Variants in SLC9A7 observed in about 807,000 individuals in gnomAD.
SLC9A7 encodes the protein sodium/hydrogen exchanger 7.
SLC9A7 carries 19 observed loss-of-function variants against 52.6 expected under a neutral mutation model. That is an observed-to-expected ratio of 0.36 (90% confidence interval 0.25 to 0.53). The LOEUF (loss-of-function observed/expected upper bound fraction) is 0.53, where lower values mean the gene tolerates loss of function less well. SLC9A7 is among the 20% of genes least tolerant of loss of function. The pLI is 0.91. For synonymous variants in SLC9A7, 226 were observed against 252.1 expected, an observed-to-expected ratio of 0.90 and a Z score of 0.98; for missense variants, 455 against 597.9, an observed-to-expected ratio of 0.76 and a Z score of 2.49.
intron 11 of SLC9A7, among the ~76,000 whole-genome samples, chrX:46,647,868 G>A (rs907401630): frequency 3.5e-5 from 4 of 112,756 alleles, no homozygotes; most frequent in African/African-American, 1.3e-4. Flanking sequence ...CTCATTCTCT[G>A]TCTTAAAGGA....
rs1386555870 is a variant in SLC9A7, at chrX:46,759,108, C to G, written c.-79G>C. ...CGGCGGGTTCTGGCAGCACCGCGGA[C>G]CTGCCGGAGTGGCCGTGGCCGCTGC... On this transcript the variant is annotated 5_prime_UTR_variant, in exon 1 of 17. Coordinates refer to ENST00000616978, the MANE Select transcript of SLC9A7 (RefSeq NM_001257291.2). 8.9e-6 allele frequency: 6 copies of G among 671,169 alleles called. No homozygotes were observed. Among genetic ancestry groups the G allele is most frequent in the Non-Finnish European group, 1.1e-5 (6 of 529,392 alleles). The allele number at this position is 671,169 out of a possible 1,213,427, so 55.3% of individuals were successfully genotyped here.
chrX:46,736,303 A>G (rs1462176449), intron 1 of SLC9A7, among the ~76,000 whole-genome samples: 1 of 110,487 alleles, frequency 9.1e-6, no homozygotes, highest in Non-Finnish European at 1.9e-5. Context: ...TTTATTTTCC[A>G]TCTCTGTCCT....
chrX:46,713,077 G>C (rs143482830), intron 1 of SLC9A7, among the ~76,000 whole-genome samples: 2 of 112,681 alleles, frequency 1.8e-5, no homozygotes, highest in East Asian at 5.5e-4. Context: ...AATCTGATAA[G>C]AGGGAATAAC....
At chrX:46,648,573 C>T (rs1008189554) in intron 11 of SLC9A7, 113 bp downstream of exon 11, 8 of 565,670 alleles carry the variant, frequency 1.4e-5, no homozygotes, top group African/African-American at 6.8e-5. Context: ...GGGATACAAA[C>T]GGACCAGAAA....
intron 1 of SLC9A7, among the ~76,000 whole-genome samples, chrX:46,729,717 G>A (rs1944998468): frequency 1.8e-5 from 2 of 110,915 alleles, no homozygotes; most frequent in Admixed American, 9.6e-5. Context: ...AGGTTGCAGT[G>A]AGCCAAGATC....
Position 46,696,352 on chromosome X carries a change from C to T in SLC9A7, c.326-13817G>A, listed in dbSNP as rs1027274772. Reference sequence around the variant, plus strand: ...ACCTAAAATATTCTTAAAGCACAGACGTCCTTAAATGAAAACCCCCTTCCC... The same window carrying T: ...ACCTAAAATATTCTTAAAGCACAGATGTCCTTAAATGAAAACCCCCTTCCC... On this transcript the variant is annotated intron_variant, in intron 1 of 16. Transcript: ENST00000616978. Among the ~76,000 whole-genome samples, 40 of 110,846 alleles carry T rather than the reference C, an allele frequency of 3.6e-4. No homozygotes were observed. In the Admixed American group the frequency reaches 3.8e-3, roughly 10 times the overall value.
In SLC9A7 at chrX:46,661,148, C is replaced by T. The variant is rs868661192; in HGVS notation, c.1041+868G>A. On this transcript the variant is annotated intron_variant, in intron 7 of 16. Transcript: ENST00000616978. Reference sequence around the variant, plus strand: ...CAAAAAACCAAACGCTGCATATTCTCACTCATAGGTGGGAATTGAACAATG... The same window carrying T: ...CAAAAAACCAAACGCTGCATATTCTTACTCATAGGTGGGAATTGAACAATG... Among the ~76,000 whole-genome samples the T allele has an allele frequency of 3.7e-5, 4 of 108,429 alleles. No homozygotes were observed. In the South Asian group the frequency reaches 1.2e-3, roughly 33 times the overall value. 94.2% of individuals were successfully genotyped at this position (108,429 alleles called of 115,157 possible). A position where few individuals can be genotyped will look rare whatever the true frequency, so the allele number is the denominator to read the frequency against.
chrX:46,656,033 G>A (rs1943679049), intron 7 of SLC9A7, among the ~76,000 whole-genome samples: 1 of 111,242 alleles, frequency 9.0e-6, no homozygotes, highest in South Asian at 3.8e-4. Context: ...CTGAGAACGG[G>A]CAGACTGCCT....
In SLC9A7 at chrX:46,758,641, G is replaced by A. The variant is rs73495131; in HGVS notation, c.325+64C>T. 9,418 of 766,843 alleles carry A rather than the reference G, an allele frequency of 0.012. 527 individuals are homozygous for A. In the African/African-American group the frequency reaches 0.17, roughly 14 times the overall value. 63.2% of individuals were successfully genotyped at this position (766,843 alleles called of 1,213,427 possible). A position where few individuals can be genotyped will look rare whatever the true frequency, so the allele number is the denominator to read the frequency against. On this transcript the variant is annotated intron_variant, in intron 1 of 16. Coordinates refer to ENST00000616978, the MANE Select transcript of SLC9A7 (RefSeq NM_001257291.2). ...GGCAAGTGAAGGGGGAGCACCGCGC[G>A]GCGCCAGGAGGAGCGCGGCGGCCGA...
At chrX:46,699,596 C>T (rs1204218577) in intron 1 of SLC9A7, among the ~76,000 whole-genome samples, 1 of 111,254 alleles carries the variant, frequency 9.0e-6, no homozygotes, top group African/African-American at 3.3e-5. Flanking sequence ...TCCAGGACTA[C>T]GGTCTCAAGA....
intron 11 of SLC9A7, 46 bp from the exon 12 acceptor site, chrX:46,643,435 A>G (rs1161185059): frequency 2.7e-6 from 3 of 1,125,127 alleles, no homozygotes; most frequent in Non-Finnish European, 3.6e-6. Context: ...ATTAAATGAC[A>G]ATGTTGTCTC....
chrX:46,682,922 T>C (rs762461518), intron 1 of SLC9A7, among the ~76,000 whole-genome samples: 3 of 105,238 alleles, frequency 2.9e-5, no homozygotes, highest in African/African-American at 1.0e-4. Context: ...GCCTCCCAAG[T>C]AGCTGGGACT....
chrX:46,755,342 A>AGAGG (rs1161278061), intron 1 of SLC9A7, among the ~76,000 whole-genome samples: 15 of 103,922 alleles, frequency 1.4e-4, no homozygotes, highest in African/African-American at 4.5e-4. Context: ...AGAGGGTGAG[A>AGAGG]GAGGGAGGGA....
Position 46,600,017 on chromosome X carries a change from G to A in SLC9A7, c.*6935C>T, listed in dbSNP as rs1441959716. 8.9e-6 allele frequency: 1 copy of A among 112,060 alleles called. No individual in the cohort carries two copies. The highest frequency in any genetic ancestry group is 1.9e-5 in the Non-Finnish European group (1 of 53,244). The allele number at this position is 112,060 out of a possible 1,213,427, so 9.2% of individuals were successfully genotyped here. A position where few individuals can be genotyped will look rare whatever the true frequency, so the allele number is the denominator to read the frequency against. ...GTAAAAAGTACCAGATGTATTTTAT[G>A]TGAAAAACAAAAGGACAACTTAGGA... On this transcript the variant is annotated 3_prime_UTR_variant, in exon 17 of 17. Transcript: ENST00000616978.
Position 46,606,200 on chromosome X carries a change from A to G in SLC9A7, c.*752T>C. 4 of 739,556 alleles carry G rather than the reference A, an allele frequency of 5.4e-6. No individual in the cohort carries two copies. The highest frequency in any genetic ancestry group is 4.8e-6 in the Non-Finnish European group (3 of 625,776). 60.9% of individuals were successfully genotyped at this position (739,556 alleles called of 1,213,427 possible). ...TGCTTTTTGCAGTGATACCATCATC[A>G]GTTTCTAAATACCTCCTTTCCTCAG... On this transcript the variant is annotated 3_prime_UTR_variant, in exon 17 of 17. Coordinates refer to ENST00000616978, the MANE Select transcript of SLC9A7 (RefSeq NM_001257291.2).
intron 1 of SLC9A7, among the ~76,000 whole-genome samples, chrX:46,697,707 GAAATCTGGGCA>G (rs1057045754): frequency 6.3e-5 from 7 of 111,886 alleles, no homozygotes; most frequent in African/African-American, 2.3e-4. Flanking sequence ...TGAGCAATAT[GAAATCTGGGCA>G]CCTTGAAAAA....
intron 1 of SLC9A7, among the ~76,000 whole-genome samples, chrX:46,744,708 G>A (rs375347446): frequency 1.8e-4 from 20 of 111,928 alleles, no homozygotes; most frequent in African/African-American, 5.8e-4. Context: ...GCTTAACACT[G>A]TTCTTCCCCA....
In SLC9A7 at chrX:46,601,124, T is replaced by TGACTTTCTAGCAGCCC. The variant is rs1312178243; in HGVS notation, c.*5812_*5827dup. The TGACTTTCTAGCAGCCC allele has an allele frequency of 4.4e-5, 5 of 112,578 alleles. No homozygotes were observed. The highest frequency in any genetic ancestry group is 7.5e-5 in the Non-Finnish European group (4 of 53,360). 9.3% of individuals were successfully genotyped at this position (112,578 alleles called of 1,213,427 possible). A position where few individuals can be genotyped will look rare whatever the true frequency, so the allele number is the denominator to read the frequency against. On this transcript the variant is annotated 3_prime_UTR_variant, in exon 17 of 17. Transcript: ENST00000616978. ...TCATATACTTGTGAGATCAGCAGGC[T>TGACTTTCTAGCAGCCC]GACTTTCTAGCAGCCCTCATTGCAG... is the stretch of plus-strand genomic sequence containing the variant.
At chrX:46,646,360 T>C (rs917182706) in intron 11 of SLC9A7, among the ~76,000 whole-genome samples, 5 of 111,932 alleles carry the variant, frequency 4.5e-5, no homozygotes, top group African/African-American at 1.6e-4. Context: ...TTCCCTGGGC[T>C]TGGACTGAAA....
Sources: allele counts gnomAD v4.1 joint callset (sites outside exome capture counted in the v4.1 genomes callset), GRCh38; gene constraint gnomAD v4.1.1; transcripts MANE v1.5; gene names NCBI Gene and HGNC (gene_info 2026-07-23, HGNC 2026-07-21).